Variants in GSAP observed in about 807,000 individuals in gnomAD.
GSAP encodes the protein gamma-secretase-activating protein.
GSAP carries 118 observed loss-of-function variants against 131.7 expected under a neutral mutation model. The observed-to-expected ratio is 0.90, with a 90% confidence interval of 0.77 to 1.04. GSAP has a LOEUF of 1.04. Among genes scored for constraint, GSAP ranks in the 50% least tolerant of loss-of-function variants. The pLI, the probability that GSAP is intolerant of heterozygous loss-of-function variation, is 0.00. For synonymous variants in GSAP, 381 were observed against 363.4 expected, an observed-to-expected ratio of 1.05 and a Z score of -0.55; for missense variants, 1,019 against 1,013.2, an observed-to-expected ratio of 1.01 and a Z score of -0.08.
At chr7:77,329,433 T>C (rs1178373340) in intron 20 of GSAP, 42 bp from the exon 21 acceptor site, 1 of 1,175,412 alleles carries the variant, frequency 8.5e-7, no homozygotes, top group Non-Finnish European at 1.2e-6. Flanking sequence ...GGTAAAGGTT[T>C]TATCGGTGAC....
intron 6 of GSAP, among the ~76,000 whole-genome samples, chr7:77,385,313 C>T (rs959018525): frequency 2.6e-5 from 4 of 152,200 alleles, no homozygotes; most frequent in Non-Finnish European, 5.9e-5. Context: ...GGATTATAGG[C>T]ATGAGCCACT....
chr7:77,342,064 C>T (rs1791016585), intron 19 of GSAP, among the ~76,000 whole-genome samples: 1 of 152,350 alleles, frequency 6.6e-6, no homozygotes, highest in South Asian at 2.1e-4. Context: ...CACTGGAAAT[C>T]AGACTGTCCA....
rs1225856982 is a variant in GSAP, at chr7:77,350,644, G to A, written c.1492-1240C>T. 5.3e-5 allele frequency among the ~76,000 whole-genome samples: 8 copies of A among 151,802 alleles called. No homozygotes were observed. In the East Asian group the frequency reaches 1.5e-3, roughly 29 times the overall value. On this transcript the variant is annotated intron_variant, in intron 18 of 30. Coordinates refer to ENST00000257626, the MANE Select transcript of GSAP (RefSeq NM_017439.4). ...TGTATTTCCAGCTACTCAGGAGGCT[G>A]AGGCAGGACAATCACTTGAACCTGG...
At chr7:77,390,953 A>T (rs1391919767) in intron 5 of GSAP, among the ~76,000 whole-genome samples, 1 of 94,204 alleles carries the variant, frequency 1.1e-5, no homozygotes, top group African/African-American at 3.9e-5. Context: ...GTCTAAAAAA[A>T]AAAAAAAAAA....
At chr7:77,365,034 C>T (rs191771080) in intron 12 of GSAP, among the ~76,000 whole-genome samples, 1 of 152,288 alleles carries the variant, frequency 6.6e-6, no homozygotes. Context: ...AAACATGGCT[C>T]ACTGTAGCCT....
At chr7:77,399,038 T>C (rs972733208) in intron 3 of GSAP, among the ~76,000 whole-genome samples, 2 of 152,224 alleles carry the variant, frequency 1.3e-5, no homozygotes, top group Non-Finnish European at 2.9e-5. Context: ...AAAAACTTAC[T>C]GATGGGCATT....
chr7:77,351,398 C>T (rs954212747), intron 18 of GSAP: 28 of 978,834 alleles, frequency 2.9e-5, no homozygotes, highest in Admixed American at 1.8e-4. Flanking sequence ...TCCATGTTTT[C>T]GCCTGTGGAA....
intron 12 of GSAP, among the ~76,000 whole-genome samples, chr7:77,364,528 G>A (rs1419154921): frequency 8.4e-6 from 1 of 118,724 alleles, no homozygotes; most frequent in African/African-American, 3.2e-5. Context: ...GTAGTGGGGT[G>A]GGGGGAGGGG....
intron 1 of GSAP, among the ~76,000 whole-genome samples, chr7:77,413,493 T>C (rs1803676145): frequency 6.6e-6 from 1 of 152,230 alleles, no homozygotes; most frequent in South Asian, 2.1e-4. Context: ...ATGTCCACCA[T>C]CGTGTTGAAT....
chr7:77,370,718 T>C (rs1376852646), intron 12 of GSAP, among the ~76,000 whole-genome samples: 1 of 152,228 alleles, frequency 6.6e-6, no homozygotes, highest in Non-Finnish European at 1.5e-5. Flanking sequence ...TGTCTACACA[T>C]GCTGCTATGA....
At chr7:77,393,458 C>A (rs1799886564) in intron 5 of GSAP, among the ~76,000 whole-genome samples, 1 of 152,028 alleles carries the variant, frequency 6.6e-6, no homozygotes, top group African/African-American at 2.4e-5. Context: ...CTCCACCTCA[C>A]ATCTCCACTG....
intron 8 of GSAP, 43 bp from the exon 9 acceptor site, chr7:77,377,433 CTT>C (rs747114123): frequency 1.5e-6 from 2 of 1,315,220 alleles, no homozygotes; most frequent in African/African-American, 3.4e-5. Context: ...GTATGAATAA[CTT>C]TTAAAGGAGA....
At position 77,353,619 on chromosome 7, in the gene GSAP, T is replaced by A; in HGVS notation, c.1361A>T (p.Asn454Ile). The A allele has an allele frequency of 1.9e-6, 3 of 1,610,078 alleles. No individual in the cohort carries two copies. Among genetic ancestry groups the A allele is most frequent in the Non-Finnish European group, 2.5e-6 (3 of 1,177,024 alleles). ...EAQIIQWISE[N>I]VSACHSFDLI... ...GTCAAATGAATGGCAGGCAGAGACA[T>A]TCTCAGAAATCCACTGAATAATCTT... The change falls in exon 17 of 31, where the codon AAT becomes ATT. Residue 454 changes from asparagine (N) to isoleucine (I), a missense_variant. By Grantham distance (149) the Asn-to-Ile change is moderately radical (BLOSUM62 -3). Transcript: ENST00000257626.
intron 8 of GSAP, among the ~76,000 whole-genome samples, chr7:77,380,622 C>T (rs1385688418): frequency 6.6e-6 from 1 of 151,448 alleles, no homozygotes; most frequent in Non-Finnish European, 1.5e-5. Flanking sequence ...AATAATAAAC[C>T]CCTGGGTGGG....
chr7:77,369,305 C>A (rs771915233), intron 12 of GSAP, among the ~76,000 whole-genome samples: 1 of 152,114 alleles, frequency 6.6e-6, no homozygotes, highest in Non-Finnish European at 1.5e-5. Context: ...CTGATTTATC[C>A]TTTTTATTAG....
chr7:77,378,074 A>G (rs1797224106), intron 8 of GSAP, among the ~76,000 whole-genome samples: 1 of 152,206 alleles, frequency 6.6e-6, no homozygotes, highest in Non-Finnish European at 1.5e-5. Context: ...ATTACATTTT[A>G]ATTAATGCTA....
chr7:77,321,192 A>G, intron 25 of GSAP, 141 bp downstream of exon 25: 1 of 640,278 alleles, frequency 1.6e-6, no homozygotes, highest in South Asian at 1.8e-5. Context: ...ATAACTTTAA[A>G]TGCTGAGTAT....
At chr7:77,323,870 T>C in intron 23 of GSAP, 128 bp from the exon 24 acceptor site, 1 of 527,014 alleles carries the variant, frequency 1.9e-6, no homozygotes, top group South Asian at 2.6e-5. Context: ...GTCCCATCAA[T>C]GGAAATGCAT....
chr7:77,401,391 A>G (rs1031161954), intron 3 of GSAP, among the ~76,000 whole-genome samples: 7 of 152,136 alleles, frequency 4.6e-5, no homozygotes. Flanking sequence ...GAAAAATTCA[A>G]AAGACAGCAG....
Sources: allele counts gnomAD v4.1 joint callset (sites outside exome capture counted in the v4.1 genomes callset), GRCh38; gene constraint gnomAD v4.1.1; transcripts MANE v1.5; gene names NCBI Gene and HGNC (gene_info 2026-07-23, HGNC 2026-07-21).